Variants in FHAD1 observed in about 807,000 individuals in gnomAD.
The protein encoded by FHAD1 is forkhead-associated domain-containing protein 1.
FHAD1 carries 146 observed loss-of-function variants against 191.3 expected under a neutral mutation model. That is an observed-to-expected ratio of 0.76 (90% CI 0.67 to 0.88). The LOEUF (loss-of-function observed/expected upper bound fraction) is 0.88, where lower values mean the gene tolerates loss of function less well. Ranked by LOEUF, FHAD1 falls within the 40% of genes least tolerant of loss-of-function variation. FHAD1 has a pLI of 0.00. For synonymous variants in FHAD1, 616 were observed against 672.3 expected (o/e 0.92, Z 1.29); for missense variants, 1,635 against 1,785.8 (o/e 0.92, Z 1.52).
intron 33 of FHAD1, among the ~76,000 whole-genome samples, chr1:15,393,649 C>T (rs1225155800): frequency 6.6e-6 from 1 of 151,072 alleles, no homozygotes; most frequent in Non-Finnish European, 1.5e-5. Context: ...GTGGTCCAGG[C>T]TGTAGTGCAG....
chr1:15,261,829 G>A (rs1221205086), intron 2 of FHAD1, among the ~76,000 whole-genome samples: 1 of 152,174 alleles, frequency 6.6e-6, no homozygotes, highest in Non-Finnish European at 1.5e-5. Context: ...GGATGGCCAA[G>A]GACCAAAAGG....
In FHAD1 at chr1:15,393,430, G is replaced by GCGCACACACACA. The variant is rs148170141; in HGVS notation, c.4323+2168_4323+2169insGCACACACACAC. ...CATAGATGTGGACACACACACACACGCACACACACACACACACACACACAC... is the reference window on the plus strand; with the variant it reads ...CATAGATGTGGACACACACACACACGCGCACACACACACACACACACACACACACACACACAC... On this transcript the variant is annotated intron_variant, in intron 33 of 33. Coordinates refer to ENST00000688493, the MANE Select transcript of FHAD1 (RefSeq NM_001391957.1). Among the ~76,000 whole-genome samples the GCGCACACACACA allele has an allele frequency of 1.0e-3, 152 of 146,840 alleles. 1 individual carries two copies. The highest frequency in any genetic ancestry group is 3.3e-3 in the African/African-American group (131 of 40,224).
chr1:15,344,705 A>C (rs1245217282), intron 16 of FHAD1, among the ~76,000 whole-genome samples: 1 of 152,220 alleles, frequency 6.6e-6, no homozygotes, highest in African/African-American at 2.4e-5. Context: ...GGATTCTTGA[A>C]TGTAAGCCTG....
At chr1:15,385,414 C>T (rs548278951) in intron 31 of FHAD1, among the ~76,000 whole-genome samples, 31 of 152,212 alleles carry the variant, frequency 2.0e-4, no homozygotes, top group African/African-American at 6.3e-4. Context: ...CAGAACTATC[C>T]GCCCCTGACA....
At chr1:15,347,782 A>G (rs985148017) in intron 18 of FHAD1, among the ~76,000 whole-genome samples, 2 of 152,200 alleles carry the variant, frequency 1.3e-5, no homozygotes, top group Admixed American at 6.5e-5. Flanking sequence ...CCGCCACATC[A>G]TCAGGGTTTT....
At chr1:15,270,802 G>A (rs1655575058) in intron 2 of FHAD1, among the ~76,000 whole-genome samples, 1 of 151,322 alleles carries the variant, frequency 6.6e-6, no homozygotes, top group African/African-American at 2.4e-5. Flanking sequence ...AGCACTTTAG[G>A]AGGCTGGGGC....
chr1:15,388,203 T>C (rs1187374062), intron 32 of FHAD1, 72 bp downstream of exon 32: 13 of 932,136 alleles, frequency 1.4e-5, no homozygotes, highest in Non-Finnish European at 1.8e-5. Flanking sequence ...GCTCATGGCA[T>C]GCAAATGCCT....
chr1:15,362,734 C>T lies in FHAD1; in HGVS notation c.3047+8C>T. On this transcript the variant is annotated splice_region_variant and intron_variant, in intron 23 of 33. Coordinates refer to ENST00000688493, the MANE Select transcript of FHAD1 (RefSeq NM_001391957.1). ...GGCGTACGAACATCTGATGTGAGTA[C>T]CCGTGGGTGTGTGAGCGCCAGGCAT... 2 of 1,549,998 alleles carry T rather than the reference C, an allele frequency of 1.3e-6. No individual in the cohort carries two copies. Among genetic ancestry groups the T allele is most frequent in the Non-Finnish European group, 1.7e-6 (2 of 1,145,534 alleles).
intron 16 of FHAD1, among the ~76,000 whole-genome samples, chr1:15,343,439 G>T (rs1296538439): frequency 1.3e-5 from 2 of 149,812 alleles, no homozygotes; most frequent in African/African-American, 2.5e-5. Flanking sequence ...GAAGAGTACT[G>T]GACCTGCCCC....
intron 26 of FHAD1, among the ~76,000 whole-genome samples, chr1:15,370,101 C>T (rs1697648194): frequency 6.6e-6 from 1 of 152,164 alleles, no homozygotes; most frequent in Non-Finnish European, 1.5e-5. Flanking sequence ...CTCAGCCTCC[C>T]TAGTAGCTGG....
At position 15,395,230 on chromosome 1, in the gene FHAD1, C is replaced by T. The variant is rs371916121; in HGVS notation, c.4324-2067C>T. Among the ~76,000 whole-genome samples the T allele has an allele frequency of 4.7e-5, 7 of 148,302 alleles. No individual in the cohort carries two copies. In the East Asian group the frequency reaches 8.1e-4, roughly 17 times the overall value. ...TCGGGAGGCTGAGGCAGGAGAATGGCGTGAACCCGGGAGGCGGAGGTGAGC... is the reference window on the plus strand; with the variant it reads ...TCGGGAGGCTGAGGCAGGAGAATGGTGTGAACCCGGGAGGCGGAGGTGAGC... On this transcript the variant is annotated intron_variant, in intron 33 of 33. Coordinates refer to ENST00000688493, the MANE Select transcript of FHAD1 (RefSeq NM_001391957.1).
chr1:15,370,689 G>A (rs1558255045), intron 26 of FHAD1, among the ~76,000 whole-genome samples: 3 of 152,130 alleles, frequency 2.0e-5, no homozygotes, highest in African/African-American at 7.2e-5. Context: ...CTGGAAGCAG[G>A]TGCTCACACT....
intron 7 of FHAD1, among the ~76,000 whole-genome samples, chr1:15,309,976 G>A (rs1671750023): frequency 6.6e-6 from 1 of 152,176 alleles, no homozygotes; most frequent in Non-Finnish European, 1.5e-5. Context: ...GGACCTGGTG[G>A]GGTCAGGGGG....
At chr1:15,272,773 C>T (rs1656668252) in intron 3 of FHAD1, among the ~76,000 whole-genome samples, 1 of 152,196 alleles carries the variant, frequency 6.6e-6, no homozygotes, top group Non-Finnish European at 1.5e-5. Flanking sequence ...CACATAGAAC[C>T]AGTTTTCCAA....
In FHAD1 at chr1:15,362,736, C is replaced by G; in HGVS notation, c.3047+10C>G. ...CGTACGAACATCTGATGTGAGTACC[C>G]GTGGGTGTGTGAGCGCCAGGCATTC... On this transcript the variant is annotated intron_variant, in intron 23 of 33. Transcript: ENST00000688493. The G allele has an allele frequency of 6.5e-7, 1 of 1,549,418 alleles. No homozygotes were observed. Among genetic ancestry groups the G allele is most frequent in the Non-Finnish European group, 8.7e-7 (1 of 1,145,074 alleles).
chr1:15,238,964 G>A (rs1645070906), intron 1 of FHAD1, among the ~76,000 whole-genome samples: 1 of 152,208 alleles, frequency 6.6e-6, no homozygotes, highest in Non-Finnish European at 1.5e-5. Context: ...CAGGAGTGCA[G>A]TGGCATGATC....
intron 2 of FHAD1, among the ~76,000 whole-genome samples, chr1:15,264,546 A>G (rs1037116506): frequency 4.7e-5 from 6 of 127,046 alleles, no homozygotes; most frequent in South Asian, 2.7e-4. Context: ...TTATATGTAT[A>G]TATGTGTGTG....
intron 10 of FHAD1, among the ~76,000 whole-genome samples, chr1:15,323,054 G>A (rs908399300): frequency 1.3e-5 from 2 of 152,150 alleles, no homozygotes; most frequent in Non-Finnish European, 2.9e-5. Flanking sequence ...TTCACCATCA[G>A]GAGAACAGCA....
At chr1:15,342,958 G>A (rs1394286315) in intron 16 of FHAD1, among the ~76,000 whole-genome samples, 1 of 151,640 alleles carries the variant, frequency 6.6e-6, no homozygotes, top group Non-Finnish European at 1.5e-5. Flanking sequence ...ACCACACCCA[G>A]CTAATATTTT....
Sources: gnomAD v4.1 joint callset for allele counts (sites outside exome capture counted in the v4.1 genomes callset) on GRCh38, gnomAD v4.1.1 for gene constraint, MANE v1.5 for transcripts, NCBI Gene and HGNC (gene_info 2026-07-23, HGNC 2026-07-21) for gene names.